Variants in PCYT1B observed in about 807,000 individuals in gnomAD.
The protein encoded by PCYT1B is phosphate cytidylyltransferase 1B, choline.
PCYT1B carries 10 observed loss-of-function variants against 26.4 expected under a neutral mutation model. The observed-to-expected ratio is 0.38, with a 90% CI of 0.23 to 0.64. PCYT1B has a LOEUF of 0.64. Ranked by LOEUF, PCYT1B falls within the 30% of genes least tolerant of loss-of-function variation. The pLI is 0.56. For synonymous variants in PCYT1B, 131 were observed against 108.4 expected (o/e 1.21, Z -1.29); for missense variants, 161 against 292.7 (o/e 0.55, Z 3.28).
At chrX:24,657,257 T>C (rs1246970279) in intron 1 of PCYT1B, among the ~76,000 whole-genome samples, 3 of 112,234 alleles carry the variant, frequency 2.7e-5, no homozygotes, top group African/African-American at 9.7e-5. Context: ...AAGAGTGCCA[T>C]GTAAATTTTG....
At chrX:24,585,214 G>C (rs61761914) in intron 5 of PCYT1B, among the ~76,000 whole-genome samples, 1 of 111,017 alleles carries the variant, frequency 9.0e-6, no homozygotes, top group African/African-American at 3.3e-5. Context: ...CCAGGGGCAG[G>C]GGCAGGAAAG....
intron 7 of PCYT1B, among the ~76,000 whole-genome samples, chrX:24,570,189 G>GA (rs1176471313): frequency 0.013 from 423 of 31,616 alleles, 3 homozygotes; most frequent in East Asian, 0.022. Flanking sequence ...CTCAGTCTCA[G>GA]AAAAAAAAAA....
chrX:24,604,543 T>C (rs1925063417), intron 3 of PCYT1B, among the ~76,000 whole-genome samples: 2 of 111,901 alleles, frequency 1.8e-5, no homozygotes, highest in Non-Finnish European at 3.8e-5. Context: ...CCATGGTTGG[T>C]GTTTTTCTTG....
At chrX:24,658,162 G>A (rs1322109050) in intron 1 of PCYT1B, 1 of 111,887 alleles carries the variant, frequency 8.9e-6, no homozygotes, top group African/African-American at 3.2e-5. Context: ...GACGCCAGGA[G>A]GGATACATTC....
rs759311836 is a variant in PCYT1B at position 24,573,985 on chromosome X, C to CA, written c.897+1144dup. Among the ~76,000 whole-genome samples the CA allele has an allele frequency of 1.5e-4, 17 of 111,233 alleles. No homozygotes were observed. The South Asian group carries it at 6.5e-3, about 43-fold the overall frequency. ...CACTTAGAGGCTGCCAGGTGTTAAG[C>CA]AAAGCATCTCTCCCAACTTCCCAAA... is the stretch of plus-strand genomic sequence containing the variant. On this transcript the variant is annotated intron_variant, in intron 7 of 7. Coordinates refer to ENST00000379144, the MANE Select transcript of PCYT1B (RefSeq NM_004845.5).
At chrX:24,650,183 T>C (rs1205435376), upstream of PCYT1B, 2 of 112,025 alleles carry the variant, frequency 1.8e-5, no homozygotes, top group Non-Finnish European at 3.8e-5. Context: ...ATTGTAATGC[T>C]ATCAAGACAA....
chrX:24,613,950 CAAAAAAAAAAAAAAAA>C (rs200062439), intron 2 of PCYT1B, among the ~76,000 whole-genome samples: 937 of 77,189 alleles, frequency 0.012, 10 homozygotes, highest in African/African-American at 0.019. Flanking sequence ...AACAACCTGT[CAAAAAAAAAAAAAAAA>C]AAAAAAAAAA....
chrX:24,629,559 C>CAAAAAAAA (rs1165553186), intron 1 of PCYT1B, among the ~76,000 whole-genome samples: 333 of 16,099 alleles, frequency 0.021, 93 homozygotes, highest in Non-Finnish European at 0.027. Flanking sequence ...GACCCTGTCT[C>CAAAAAAAA]AAAAAAAAAA....
intron 1 of PCYT1B, among the ~76,000 whole-genome samples, chrX:24,670,681 T>C (rs1456594927): frequency 8.9e-6 from 1 of 111,845 alleles, no homozygotes; most frequent in Non-Finnish European, 1.9e-5. Flanking sequence ...AGGCACAAAT[T>C]AGCAGCATAG....
intron 4 of PCYT1B, among the ~76,000 whole-genome samples, 155 bp from the exon 5 acceptor site, chrX:24,587,474 T>C (rs184084660): frequency 1.8e-5 from 2 of 112,178 alleles, no homozygotes; most frequent in Admixed American, 1.9e-4. Flanking sequence ...CTGAAATGTA[T>C]TTCCAACTAT....
upstream of PCYT1B, chrX:24,650,273 G>A (rs1197732585): frequency 2.7e-5 from 3 of 109,622 alleles, no homozygotes; most frequent in Non-Finnish European, 5.7e-5. Context: ...ACTATGAAGG[G>A]ATAGCAGGAG....
At chrX:24,625,386 G>GA (rs1925850449) in intron 1 of PCYT1B, among the ~76,000 whole-genome samples, 1 of 110,899 alleles carries the variant, frequency 9.0e-6, no homozygotes, top group South Asian at 3.8e-4. Context: ...AGAGAGGACA[G>GA]AAAAAAATAG....
chrX:24,647,424 C>T (rs182846118), upstream of PCYT1B: 72 of 245,810 alleles, frequency 2.9e-4, no homozygotes, highest in African/African-American at 2.0e-3. Context: ...AGTACCACTC[C>T]GCCGGGAAGC....
At chrX:24,571,763 C>G (rs970770440) in intron 7 of PCYT1B, among the ~76,000 whole-genome samples, 2 of 110,951 alleles carry the variant, frequency 1.8e-5, no homozygotes, top group Non-Finnish European at 3.8e-5. Flanking sequence ...GTCTGGGCAA[C>G]AGAGTAAGAC....
At chrX:24,611,475 C>CA (rs1332475514) in intron 2 of PCYT1B, among the ~76,000 whole-genome samples, 4 of 110,749 alleles carry the variant, frequency 3.6e-5, no homozygotes, top group Non-Finnish European at 7.6e-5. Context: ...CAATTGAAAA[C>CA]AAAAAAAGAT....
chrX:24,615,853 T>G (rs1925472820), intron 2 of PCYT1B, among the ~76,000 whole-genome samples: 1 of 112,068 alleles, frequency 8.9e-6, no homozygotes, highest in Admixed American at 9.6e-5. Flanking sequence ...TGTCTGAGCA[T>G]GTTTTCACTT....
intron 6 of PCYT1B, among the ~76,000 whole-genome samples, chrX:24,578,838 GC>G (rs916062771): frequency 4.5e-5 from 5 of 111,616 alleles, no homozygotes; most frequent in Non-Finnish European, 9.4e-5. Flanking sequence ...GAGGAGGGAA[GC>G]AAGGAAGCAC....
At chrX:24,577,999 C>T (rs1924075981) in intron 6 of PCYT1B, among the ~76,000 whole-genome samples, 1 of 110,943 alleles carries the variant, frequency 9.0e-6, no homozygotes, top group African/African-American at 3.3e-5. Context: ...ATCTAAGTCA[C>T]TGTTAATGTT....
At chrX:24,672,536 A>G in intron 1 of PCYT1B, 1 of 1,137,694 alleles carries the variant, frequency 8.8e-7, no homozygotes, top group East Asian at 3.0e-5. Flanking sequence ...GATATTCAAT[A>G]AGGCAAAAAT....
Sources: gnomAD v4.1 joint callset for allele counts (sites outside exome capture counted in the v4.1 genomes callset) on GRCh38, gnomAD v4.1.1 for gene constraint, MANE v1.5 for transcripts, NCBI Gene and HGNC (gene_info 2026-07-23, HGNC 2026-07-21) for gene names.